CD3G: variants seen among roughly 807,000 people sequenced by gnomAD.
CD3G encodes the protein T-cell surface glycoprotein CD3 gamma chain.
Under a neutral mutation model 28.3 loss-of-function variants are expected in CD3G, and 24 were observed. The ratio of observed to expected loss-of-function variants is 0.85; its 90% CI spans 0.61 to 1.19. The LOEUF is 1.19. CD3G is among the 50% of genes most tolerant of loss of function. The pLI is 0.00. For synonymous variants in CD3G, 71 were observed against 75.9 expected, an observed-to-expected ratio of 0.93 and a Z score of 0.34; for missense variants, 211 against 210.0, an observed-to-expected ratio of 1.00 and a Z score of -0.03.
In CD3G at chr11:118,354,807, CTTAT is replaced by C. The variant is rs1281806848; in HGVS notation, c.*1710_*1713del. 6.6e-6 allele frequency: 1 copy of C among 151,950 alleles called. No homozygotes were observed. The highest frequency in any genetic ancestry group is 2.1e-4 in the South Asian group (1 of 4,810). 9.4% of individuals were successfully genotyped at this position (151,950 alleles called of 1,614,324 possible). A position where few individuals can be genotyped will look rare whatever the true frequency, so the allele number is the denominator to read the frequency against. On this transcript the variant is annotated 3_prime_UTR_variant, in exon 7 of 7. Transcript: ENST00000532917. ...AATCTTTTGCCCATTTTTAAGTTGA[CTTAT>C]TTGTTTGTCTTCTTACTATTGGGTT...
intron 1 of CD3G, among the ~76,000 whole-genome samples, chr11:118,347,341 C>T (rs1044705240): frequency 1.4e-4 from 21 of 152,180 alleles, no homozygotes; most frequent in Non-Finnish European, 2.4e-4. Flanking sequence ...AAATTAATAG[C>T]TTCTACCCTT....
chr11:118,350,110 T>C, intron 3 of CD3G, 140 bp downstream of exon 3: 3 of 722,284 alleles, frequency 4.2e-6, no homozygotes, highest in Non-Finnish European at 4.8e-6. Context: ...AGCTTGCCTC[T>C]TTTAAAATAC....
At position 118,350,625 on chromosome 11, in the gene CD3G, C is replaced by A; in HGVS notation, c.381C>A (p.Phe127Leu). The A allele has an allele frequency of 6.2e-7, 1 of 1,614,026 alleles. No homozygotes were observed. The highest frequency in any genetic ancestry group is 8.5e-7 in the Non-Finnish European group (1 of 1,179,978). ...TCTTTGCTGAAATCGTCAGCATTTT[C>A]GTCCTTGCTGTTGGGGTCTACTTCA... ...GFLFAEIVSIFVLAVGVYFIA... is the reference protein window; with the variant it reads ...GFLFAEIVSILVLAVGVYFIA... Residue 127 changes from phenylalanine (F) to leucine (L), a missense_variant, in exon 4 of 7, where the codon TTC becomes TTA. Coordinates refer to ENST00000532917, the MANE Select transcript of CD3G (RefSeq NM_000073.3).
intron 3 of CD3G, 196 bp downstream of exon 3, chr11:118,350,166 G>A: frequency 3.3e-6 from 2 of 610,534 alleles, no homozygotes; most frequent in South Asian, 3.9e-5. Flanking sequence ...AGCCAGTCCT[G>A]TAAAATTTTG....
chr11:118,346,422 G>A (rs372827460), intron 1 of CD3G, among the ~76,000 whole-genome samples: 2 of 151,944 alleles, frequency 1.3e-5, no homozygotes, highest in East Asian at 1.9e-4. Context: ...GGGCGACAGA[G>A]TGAGACTCCG....
chr11:118,352,731 A>T (rs958690929), intron 6 of CD3G, among the ~76,000 whole-genome samples: 1 of 152,226 alleles, frequency 6.6e-6, no homozygotes, highest in African/African-American at 2.4e-5. Context: ...AGCCATAGAG[A>T]TGCTGAATAT....
chr11:118,344,398 G>A lies in CD3G; in HGVS notation c.-26G>A, dbSNP rs200326844. 21 of 1,557,402 alleles carry A rather than the reference G, an allele frequency of 1.3e-5. No homozygotes were observed. Among genetic ancestry groups the A allele is most frequent in the Admixed American group, 9.7e-5 (5 of 51,506 alleles). On this transcript the variant is annotated 5_prime_UTR_variant, in exon 1 of 7. Transcript: ENST00000532917. ...GGCTGGCTGCTAAGGGCTGCTCCAC[G>A]CTTTTGCCGGAGGACAGAGACTGAC...
intron 1 of CD3G, among the ~76,000 whole-genome samples, chr11:118,346,155 C>T (rs575656253): frequency 4.6e-5 from 7 of 152,282 alleles, no homozygotes; most frequent in East Asian, 3.9e-4. Flanking sequence ...GTGGCAGGGA[C>T]GGGCATGGTG....
chr11:118,349,169 G>A (rs942110049), intron 2 of CD3G, 119 bp downstream of exon 2: 1 of 1,608,236 alleles, frequency 6.2e-7, no homozygotes, highest in Non-Finnish European at 8.5e-7. Context: ...CGGGGATAGA[G>A]AGGTGATGTC....
intron 4 of CD3G, chr11:118,350,889 G>GA (rs372079196): frequency 0.22 from 131,235 of 588,380 alleles, 1,646 homozygotes; most frequent in South Asian, 0.25. Flanking sequence ...CTCCCTCTGT[G>GA]AAAAAAAAAA....
chr11:118,349,663 T>C, intron 2 of CD3G, 80 bp from the exon 3 acceptor site: 1 of 1,069,004 alleles, frequency 9.4e-7, no homozygotes, highest in Non-Finnish European at 1.4e-6. Flanking sequence ...AACACTACTC[T>C]AATGATCTCC....
At chr11:118,345,380 C>T (rs1948346063) in intron 1 of CD3G, among the ~76,000 whole-genome samples, 1 of 152,092 alleles carries the variant, frequency 6.6e-6, no homozygotes, top group Non-Finnish European at 1.5e-5. Flanking sequence ...AAGTTTAAGT[C>T]TGCGGGATGT....
At chr11:118,350,896 AAAAAAAAC>A (rs1382944687) in intron 4 of CD3G, 16 of 1,231,680 alleles carry the variant, frequency 1.3e-5, no homozygotes, top group South Asian at 1.2e-4. Flanking sequence ...TGTGAAAAAA[AAAAAAAAC>A]AAAAACAGGC....
chr11:118,351,496 A>G lies in CD3G; in HGVS notation c.440-132A>G. The G allele has an allele frequency of 3.7e-6, 3 of 804,804 alleles. No homozygotes were observed. In the South Asian group the frequency reaches 4.4e-5, roughly 12 times the overall value. The allele number at this position is 804,804 out of a possible 1,614,324, so 49.9% of individuals were successfully genotyped here. On this transcript the variant is annotated intron_variant, in intron 4 of 6. Coordinates refer to ENST00000532917, the MANE Select transcript of CD3G (RefSeq NM_000073.3). ...TGAGTAGCTTCTTTCACTCAACAAC[A>G]TGTTTATGTGCTTTATCCATACTCT...
chr11:118,348,115 A>G (rs1379520088), intron 1 of CD3G, among the ~76,000 whole-genome samples: 7 of 152,210 alleles, frequency 4.6e-5, no homozygotes, highest in Non-Finnish European at 1.0e-4. Context: ...TGGACTGGAT[A>G]GGCAATATCC....
intron 2 of CD3G, chr11:118,349,504 C>T (rs1395435733): frequency 1.6e-6 from 1 of 608,486 alleles, no homozygotes; most frequent in Non-Finnish European, 2.9e-6. Context: ...ACAGCAATGT[C>T]TCTTTTATTC....
At chr11:118,350,901 A>AC (rs1426201016) in intron 4 of CD3G, 1 of 1,190,966 alleles carries the variant, frequency 8.4e-7, no homozygotes, top group Non-Finnish European at 1.1e-6. Flanking sequence ...AAAAAAAAAA[A>AC]AACAAAAACA....
At chr11:118,351,976 G>A (rs2134072327) in intron 5 of CD3G, among the ~76,000 whole-genome samples, 1 of 152,266 alleles carries the variant, frequency 6.6e-6, no homozygotes, top group Admixed American at 6.5e-5. Flanking sequence ...ACTTTGGGAA[G>A]CCAAAACAGG....
intron 1 of CD3G, among the ~76,000 whole-genome samples, chr11:118,345,422 A>T (rs753300671): frequency 2.0e-5 from 3 of 152,220 alleles, no homozygotes; most frequent in Admixed American, 6.5e-5. Flanking sequence ...GATTTAGCAC[A>T]GTTTCAGCAG....
Sources: allele counts gnomAD v4.1 joint callset (sites outside exome capture counted in the v4.1 genomes callset), GRCh38; gene constraint gnomAD v4.1.1; transcripts MANE v1.5; gene names NCBI Gene and HGNC (gene_info 2026-07-23, HGNC 2026-07-21).